The following CTNND2 variants were observed in gnomAD, a reference collection of about 807,000 sequenced individuals.
CTNND2 encodes the protein catenin delta-2.
A neutral mutation model predicts 144.4 loss-of-function variants in CTNND2; 22 were observed. That is an observed-to-expected ratio of 0.15 (90% CI 0.11 to 0.22). The LOEUF (loss-of-function observed/expected upper bound fraction) is 0.22, where lower values mean the gene tolerates loss of function less well. CTNND2 is among the 10% of genes least tolerant of loss of function. The pLI, the probability that CTNND2 is intolerant of heterozygous loss-of-function variation, is 1.00. For missense variants in CTNND2, 1,353 were observed against 1,618.8 expected, an observed-to-expected ratio of 0.84 and a Z score of 2.82; for synonymous variants, 751 against 695.6, an observed-to-expected ratio of 1.08 and a Z score of -1.25.
intron 18 of CTNND2, among the ~76,000 whole-genome samples, chr5:10,999,241 A>C (rs1739670405): frequency 6.6e-6 from 1 of 152,240 alleles, no homozygotes; most frequent in African/African-American, 2.4e-5. Flanking sequence ...TCTATTATTC[A>C]TTTGCTTCCC....
intron 15 of CTNND2, among the ~76,000 whole-genome samples, chr5:11,090,402 C>CG (rs771677383): frequency 9.9e-5 from 15 of 152,212 alleles, no homozygotes; most frequent in Non-Finnish European, 1.8e-4. Context: ...CCCCAACCCC[C>CG]GGGCCGCAGA....
At chr5:11,593,934 G>A (rs548902764) in intron 2 of CTNND2, among the ~76,000 whole-genome samples, 1 of 152,134 alleles carries the variant, frequency 6.6e-6, no homozygotes, top group Non-Finnish European at 1.5e-5. Context: ...AAATTGGCAA[G>A]TATTGGGTGT....
At chr5:11,897,592 T>C (rs997126798) in intron 1 of CTNND2, among the ~76,000 whole-genome samples, 1 of 152,154 alleles carries the variant, frequency 6.6e-6, no homozygotes, top group Admixed American at 6.5e-5. Flanking sequence ...GATCCAATTA[T>C]TGGCAGTTAA....
chr5:11,579,771 C>T (rs1393554281), intron 2 of CTNND2, among the ~76,000 whole-genome samples: 2 of 152,174 alleles, frequency 1.3e-5, no homozygotes, highest in Non-Finnish European at 2.9e-5. Flanking sequence ...TTAGGAACAA[C>T]CAAATTATCT....
intron 2 of CTNND2, among the ~76,000 whole-genome samples, chr5:11,581,769 G>C (rs565419978): frequency 1.3e-5 from 2 of 152,108 alleles, no homozygotes; most frequent in Non-Finnish European, 2.9e-5. Flanking sequence ...CATATCTCAG[G>C]TTTCAAATTT....
intron 15 of CTNND2, among the ~76,000 whole-genome samples, chr5:11,083,100 A>G (rs1359979116): frequency 6.6e-6 from 1 of 152,230 alleles, no homozygotes; most frequent in Admixed American, 6.5e-5. Context: ...CACTGTTTTC[A>G]GTACTTGAAG....
At chr5:11,878,508 T>C (rs549624944) in intron 1 of CTNND2, among the ~76,000 whole-genome samples, 6 of 152,318 alleles carry the variant, frequency 3.9e-5, no homozygotes, top group African/African-American at 7.2e-5. Flanking sequence ...ATGCAAATGT[T>C]TGGCAGTGTT....
At chr5:11,480,677 A>AGTGTGTGTGT (rs1768165511) in intron 3 of CTNND2, among the ~76,000 whole-genome samples, 1 of 78,428 alleles carries the variant, frequency 1.3e-5, no homozygotes, top group Admixed American at 1.2e-4. Flanking sequence ...TGTGTGTGTA[A>AGTGTGTGTGT]GTGCATATAA....
intron 3 of CTNND2, among the ~76,000 whole-genome samples, chr5:11,459,117 G>A (rs1312858972): frequency 1.3e-5 from 2 of 152,112 alleles, no homozygotes; most frequent in South Asian, 2.1e-4. Context: ...AAAATTAAAC[G>A]AGACAATACA....
In CTNND2 at chr5:11,662,192, T is replaced by G. The variant is rs574375119; in HGVS notation, c.174+69944A>C. Among the ~76,000 whole-genome samples, 16 of 139,440 alleles carry G rather than the reference T, an allele frequency of 1.1e-4. No homozygotes were observed. The South Asian group carries it at 3.1e-3, about 27-fold the overall frequency. 91.5% of individuals were successfully genotyped at this position (139,440 alleles called of 152,430 possible). On this transcript the variant is annotated intron_variant, in intron 2 of 21. Coordinates refer to ENST00000304623, the MANE Select transcript of CTNND2 (RefSeq NM_001332.4). ...GTGTATATATACATATATGTGTATA[T>G]ATGTGTATATATGTATATATATACA...
intron 3 of CTNND2, among the ~76,000 whole-genome samples, chr5:11,481,308 T>C (rs1387275125): frequency 4.6e-5 from 7 of 152,162 alleles, no homozygotes; most frequent in Non-Finnish European, 1.0e-4. Flanking sequence ...CAATTTTGGT[T>C]CCCCCATAAG....
intron 14 of CTNND2, among the ~76,000 whole-genome samples, chr5:11,100,381 G>T (rs779644208): frequency 4.6e-5 from 7 of 152,116 alleles, no homozygotes; most frequent in African/African-American, 1.7e-4. Context: ...ATTCAAAGAT[G>T]ACTTTGCACC....
chr5:11,896,534 C>A (rs1320747405), intron 1 of CTNND2, among the ~76,000 whole-genome samples: 3 of 152,096 alleles, frequency 2.0e-5, no homozygotes, highest in Non-Finnish European at 4.4e-5. Flanking sequence ...CCTTTGTTAA[C>A]TTTAAGTCAT....
intron 2 of CTNND2, among the ~76,000 whole-genome samples, chr5:11,652,894 T>C (rs929362724): frequency 1.3e-5 from 2 of 152,184 alleles, no homozygotes; most frequent in African/African-American, 2.4e-5. Context: ...CTCAAACCCA[T>C]AGCAATCATC....
Position 11,744,357 on chromosome 5 carries a change from C to T in CTNND2, c.38-12085G>A, listed in dbSNP as rs145615243. On this transcript the variant is annotated intron_variant, in intron 1 of 21. Coordinates refer to ENST00000304623, the MANE Select transcript of CTNND2 (RefSeq NM_001332.4). ...CCACAGGTGAAGCAAGGAAGATGCGCGACGGCCAAGCAACAGGTTAGGCTC... is the reference window on the plus strand; with the variant it reads ...CCACAGGTGAAGCAAGGAAGATGCGTGACGGCCAAGCAACAGGTTAGGCTC... 1.0e-3 allele frequency among the ~76,000 whole-genome samples: 152 copies of T among 152,274 alleles called. 3 individuals are homozygous for T. In the East Asian group the frequency reaches 0.028, roughly 28 times the overall value.
intron 2 of CTNND2, among the ~76,000 whole-genome samples, chr5:11,638,337 T>C (rs1781819204): frequency 6.6e-6 from 1 of 152,194 alleles, no homozygotes. Context: ...TTTTTACTTA[T>C]GGTATAATTC....
At chr5:11,071,340 C>A (rs1473830566) in intron 16 of CTNND2, among the ~76,000 whole-genome samples, 2 of 152,104 alleles carry the variant, frequency 1.3e-5, no homozygotes, top group East Asian at 3.9e-4. Flanking sequence ...GAGTTCAAGA[C>A]CAGTCTGGCC....
At chr5:11,902,145 C>T (rs919223956) in intron 1 of CTNND2, among the ~76,000 whole-genome samples, 3 of 152,148 alleles carry the variant, frequency 2.0e-5, no homozygotes, top group African/African-American at 7.2e-5. Context: ...CACTTAACTC[C>T]GAATGTAATC....
intron 9 of CTNND2, among the ~76,000 whole-genome samples, chr5:11,237,752 G>A (rs1002769334): frequency 1.3e-5 from 2 of 152,188 alleles, no homozygotes; most frequent in African/African-American, 4.8e-5. Context: ...TAAATTATCA[G>A]ACAAGAGAAA....
Sources: allele counts gnomAD v4.1 joint callset (sites outside exome capture counted in the v4.1 genomes callset), GRCh38; gene constraint gnomAD v4.1.1; transcripts MANE v1.5; gene names NCBI Gene and HGNC (gene_info 2026-07-23, HGNC 2026-07-21).